Variants in ZFHX3 observed in about 807,000 individuals in gnomAD.
The protein encoded by ZFHX3 is zinc finger homeobox protein 3.
In ZFHX3, 42 loss-of-function variants were observed where a neutral mutation model predicts 279.1. The ratio of observed to expected loss-of-function variants is 0.15; its 90% CI spans 0.12 to 0.19. ZFHX3 has a LOEUF of 0.19. Ranked by LOEUF, ZFHX3 falls within the 10% of genes least tolerant of loss-of-function variation. The pLI is 1.00. For synonymous variants in ZFHX3, 2,293 were observed against 1,957.8 expected (o/e 1.17, Z -4.52); for missense variants, 4,981 against 4,754.0 (o/e 1.05, Z -1.40).
chr16:72,802,748 C>T (rs1413933789), intron 7 of ZFHX3, among the ~76,000 whole-genome samples: 1 of 152,166 alleles, frequency 6.6e-6, no homozygotes, highest in Non-Finnish European at 1.5e-5. Flanking sequence ...TGTCAGTTCT[C>T]AGACACTAAC....
At chr16:73,599,836 C>T (rs2052092956) in intron 2 of ZFHX3, among the ~76,000 whole-genome samples, 1 of 151,982 alleles carries the variant, frequency 6.6e-6, no homozygotes, top group Non-Finnish European at 1.5e-5. Context: ...GATGAGGCCT[C>T]TCTTTGGAGA....
intron 1 of ZFHX3, among the ~76,000 whole-genome samples, chr16:73,797,806 A>C (rs1433868310): frequency 8.1e-6 from 1 of 124,052 alleles, no homozygotes; most frequent in African/African-American, 3.2e-5. Context: ...CCTTCTGAAG[A>C]CTTTTTTTTT....
rs765216919 is a variant in ZFHX3, at chr16:72,786,241, GTTTTTT to G, written c.*917_*922del. The G allele has an allele frequency of 2.5e-4, 34 of 136,184 alleles. No homozygotes were observed. Among genetic ancestry groups the G allele is most frequent in the Non-Finnish European group, 3.6e-4 (22 of 61,794 alleles). The allele number at this position is 136,184 out of a possible 1,614,324, so 8.4% of individuals were successfully genotyped here. A position where few individuals can be genotyped will look rare whatever the true frequency, so the allele number is the denominator to read the frequency against. On this transcript the variant is annotated 3_prime_UTR_variant, in exon 10 of 10. Coordinates refer to ENST00000268489, the MANE Select transcript of ZFHX3 (RefSeq NM_006885.4). Reference sequence around the variant, plus strand: ...ACAAAAAGCTAAATGTACACAAAAGGTTTTTTTTTTTTTTTCCTTTTAAATCTACCA... The same window carrying G: ...ACAAAAAGCTAAATGTACACAAAAGGTTTTTTTTTCCTTTTAAATCTACCA...
intron 2 of ZFHX3, among the ~76,000 whole-genome samples, chr16:73,463,046 C>T (rs2018499263): frequency 6.6e-6 from 1 of 152,160 alleles, no homozygotes; most frequent in African/African-American, 2.4e-5. Context: ...TCCAACTCCC[C>T]TTCCAGATCT....
chr16:73,847,429 G>A (rs1473812627), intron 1 of ZFHX3, among the ~76,000 whole-genome samples: 4 of 152,190 alleles, frequency 2.6e-5, no homozygotes, highest in Non-Finnish European at 5.9e-5. Context: ...GAGGCTTGCT[G>A]GAGAACAGCA....
rs562747013 is a variant in ZFHX3, at chr16:73,757,651, C to T, written c.-1607-77411G>A. The stretch of plus-strand genomic sequence containing the variant: ...TTTAGTGGAGGAAACAGACCCCAAA[C>T]GATATTATTATTATGTGAGGGCATT... On this transcript the variant is annotated intron_variant, in intron 1 of 17. Transcript: ENST00000641206. 2.0e-4 allele frequency among the ~76,000 whole-genome samples: 31 copies of T among 152,092 alleles called. No homozygotes were observed. In the South Asian group the frequency reaches 5.6e-3, roughly 28 times the overall value.
intron 7 of ZFHX3, among the ~76,000 whole-genome samples, chr16:72,803,029 G>A (rs911007181): frequency 6.6e-6 from 1 of 152,132 alleles, no homozygotes; most frequent in Non-Finnish European, 1.5e-5. Context: ...CTGAAAATGG[G>A]AAAGTAATAA....
chr16:73,275,247 T>G (rs543205618), intron 4 of ZFHX3, among the ~76,000 whole-genome samples: 9 of 152,216 alleles, frequency 5.9e-5, no homozygotes, highest in Non-Finnish European at 1.3e-4. Flanking sequence ...CATATTTACC[T>G]TTCTCTTCCT....
intron 3 of ZFHX3, among the ~76,000 whole-genome samples, chr16:73,325,333 T>G (rs901614426): frequency 4.6e-5 from 7 of 152,216 alleles, no homozygotes; most frequent in African/African-American, 1.4e-4. Flanking sequence ...TGTATTAAGA[T>G]TGCCTAAAAA....
intron 1 of ZFHX3, among the ~76,000 whole-genome samples, chr16:72,961,048 G>A (rs958409249): frequency 3.9e-5 from 6 of 152,050 alleles, no homozygotes; most frequent in African/African-American, 1.4e-4. Context: ...AAACTACGTA[G>A]GTGCAAAACG....
At chr16:73,662,118 C>T (rs2052791891) in intron 2 of ZFHX3, among the ~76,000 whole-genome samples, 1 of 151,762 alleles carries the variant, frequency 6.6e-6, no homozygotes, top group Non-Finnish European at 1.5e-5. Flanking sequence ...ACTCTCTGAT[C>T]ATGCATTATT....
intron 2 of ZFHX3, among the ~76,000 whole-genome samples, chr16:73,669,031 AT>A (rs1011047568): frequency 2.7e-4 from 37 of 136,694 alleles, no homozygotes; most frequent in African/African-American, 5.9e-4. Context: ...TTTCTTTTCT[AT>A]TTTTTTTTCT....
intron 1 of ZFHX3, among the ~76,000 whole-genome samples, chr16:73,818,640 C>A (rs995848992): frequency 6.6e-6 from 1 of 152,190 alleles, no homozygotes; most frequent in East Asian, 1.9e-4. Flanking sequence ...TATCTGGGGT[C>A]CCTGCTGATG....
intron 1 of ZFHX3, among the ~76,000 whole-genome samples, chr16:73,008,914 G>A (rs1354271467): frequency 2.3e-4 from 2 of 8,786 alleles, no homozygotes; most frequent in Non-Finnish European, 7.9e-4. Flanking sequence ...GTATATACGT[G>A]TGTGTGTGTG....
chr16:72,864,033 C>T (rs533466795), intron 4 of ZFHX3, among the ~76,000 whole-genome samples: 2 of 151,874 alleles, frequency 1.3e-5, no homozygotes. Context: ...AGGAGAATGG[C>T]GTGAACCCGG....
intron 5 of ZFHX3, among the ~76,000 whole-genome samples, chr16:73,198,820 C>A (rs182495454): frequency 1.3e-5 from 2 of 152,188 alleles, no homozygotes; most frequent in East Asian, 1.9e-4. Flanking sequence ...GCAAAGCCAA[C>A]GGCACTGGAT....
At chr16:73,737,649 A>C (rs996484468) in intron 1 of ZFHX3, among the ~76,000 whole-genome samples, 1 of 151,804 alleles carries the variant, frequency 6.6e-6, no homozygotes, top group African/African-American at 2.4e-5. Flanking sequence ...TACCTGCCCC[A>C]TTTTAGTCAT....
At chr16:73,503,712 C>G (rs1355807748) in intron 2 of ZFHX3, among the ~76,000 whole-genome samples, 1 of 152,178 alleles carries the variant, frequency 6.6e-6, no homozygotes, top group Non-Finnish European at 1.5e-5. Flanking sequence ...CAAAACATTT[C>G]GTCAGAGAAA....
rs139282527 is a variant in ZFHX3, at chr16:73,688,861, G to A, written c.-1607-8621C>T. Among the ~76,000 whole-genome samples, 226 of 152,178 alleles carry A rather than the reference G, an allele frequency of 1.5e-3. 1 individual carries two copies. The highest frequency in any genetic ancestry group is 5.3e-3 in the African/African-American group (218 of 41,516). On this transcript the variant is annotated intron_variant, in intron 1 of 17. Transcript: ENST00000641206. Reference sequence around the variant, plus strand: ...CATGAGAGCTGATGGTTTTATAAAGGGGAGCTTCCCTGCACCATTTCTCTC... The same window carrying A: ...CATGAGAGCTGATGGTTTTATAAAGAGGAGCTTCCCTGCACCATTTCTCTC...
Sources: allele counts gnomAD v4.1 joint callset (sites outside exome capture counted in the v4.1 genomes callset), GRCh38; gene constraint gnomAD v4.1.1; transcripts MANE v1.5; gene names NCBI Gene and HGNC (gene_info 2026-07-23, HGNC 2026-07-21).